Variants in CDH13 observed in about 807,000 individuals in gnomAD.
CDH13 encodes the protein cadherin-13.
Under a neutral mutation model 63.8 loss-of-function variants are expected in CDH13, and 24 were observed. The observed-to-expected ratio is 0.38, with a 90% CI of 0.27 to 0.53. The LOEUF (loss-of-function observed/expected upper bound fraction) is 0.53, where lower values mean the gene tolerates loss of function less well. CDH13 is among the 20% of genes least tolerant of loss of function. CDH13 has a pLI of 0.85. For synonymous variants in CDH13, 503 were observed against 355.3 expected (o/e 1.42, Z -4.67); for missense variants, 1,049 against 903.1 (o/e 1.16, Z -2.07).
chr16:83,202,868 C>G (rs2039071018), intron 4 of CDH13, among the ~76,000 whole-genome samples: 1 of 152,078 alleles, frequency 6.6e-6, no homozygotes, highest in South Asian at 2.1e-4. Context: ...GACATAAAGA[C>G]AGGAAAAATA....
intron 5 of CDH13, among the ~76,000 whole-genome samples, chr16:83,324,615 G>C (rs978348680): frequency 2.6e-5 from 4 of 152,196 alleles, no homozygotes; most frequent in Non-Finnish European, 5.9e-5. Context: ...ATATTCCACT[G>C]CGTGAATATA....
chr16:82,824,158 G>A (rs959265278), intron 1 of CDH13: 1 of 152,066 alleles, frequency 6.6e-6, no homozygotes, highest in Non-Finnish European at 1.5e-5. Context: ...GAGATAATTT[G>A]AGCCTCAAAA....
intron 7 of CDH13, among the ~76,000 whole-genome samples, chr16:83,511,282 C>G (rs1268183747): frequency 3.3e-5 from 5 of 152,114 alleles, no homozygotes; most frequent in African/African-American, 9.7e-5. Context: ...GCCAACATGA[C>G]AAAACCACAT....
intron 7 of CDH13, among the ~76,000 whole-genome samples, chr16:83,528,192 G>T (rs2075005328): frequency 6.6e-6 from 1 of 152,196 alleles, no homozygotes; most frequent in Non-Finnish European, 1.5e-5. Context: ...TTGCACGCAT[G>T]CCTTCTTCCT....
rs560288676 is a variant in CDH13 at position 82,908,205 on chromosome 16, C to T, written c.157+49732C>T. On this transcript the variant is annotated intron_variant, in intron 2 of 13. Coordinates refer to ENST00000567109, the MANE Select transcript of CDH13 (RefSeq NM_001257.5). The stretch of plus-strand genomic sequence containing the variant: ...GAAAACGTCTGGAACCTTGACATTC[C>T]ACAGGATATTGTCCCATGAATACAA... Among the ~76,000 whole-genome samples the T allele has an allele frequency of 9.9e-5, 15 of 152,226 alleles. No individual in the cohort carries two copies. In the South Asian group the frequency reaches 1.5e-3, roughly 15 times the overall value.
intron 2 of CDH13, among the ~76,000 whole-genome samples, chr16:82,865,888 G>C (rs990563780): frequency 1.3e-5 from 2 of 152,090 alleles, no homozygotes; most frequent in African/African-American, 4.8e-5. Flanking sequence ...AAAAATTCCA[G>C]TTTCAAATCT....
rs566432403 is a variant in CDH13, at chr16:83,391,171, C to A, written c.781+46165C>A. On this transcript the variant is annotated intron_variant, in intron 6 of 13. Coordinates refer to ENST00000567109, the MANE Select transcript of CDH13 (RefSeq NM_001257.5). ...TATCTGCCAAGATGCTCTTTAGTAT[C>A]CTTCTGTGACATTCATAAGATGTTA... is the stretch of plus-strand genomic sequence containing the variant. 1.1e-4 allele frequency among the ~76,000 whole-genome samples: 17 copies of A among 152,172 alleles called. No individual in the cohort carries two copies. In the South Asian group the frequency reaches 3.3e-3, roughly 30 times the overall value.
chr16:82,897,296 G>A (rs2041303215), intron 2 of CDH13, among the ~76,000 whole-genome samples: 1 of 152,182 alleles, frequency 6.6e-6, no homozygotes, highest in African/African-American at 2.4e-5. Context: ...GCTGATCAAT[G>A]TACTTCCTTC....
chr16:82,866,326 C>G (rs1045877384), intron 2 of CDH13, among the ~76,000 whole-genome samples: 2 of 149,992 alleles, frequency 1.3e-5, no homozygotes, highest in African/African-American at 2.5e-5. Context: ...GCACCCCACT[C>G]TACTGGTACC....
intron 1 of CDH13, among the ~76,000 whole-genome samples, chr16:82,718,786 T>C (rs2032564803): frequency 6.6e-6 from 1 of 152,132 alleles, no homozygotes; most frequent in Non-Finnish European, 1.5e-5. Context: ...CCCAGCCCCA[T>C]GAATGAATTA....
intron 1 of CDH13, among the ~76,000 whole-genome samples, chr16:82,749,216 C>A (rs570223155): frequency 4.6e-5 from 7 of 152,078 alleles, no homozygotes; most frequent in South Asian, 4.2e-4. Context: ...AGTGACAGAC[C>A]TTACGGTGTT....
intron 1 of CDH13, among the ~76,000 whole-genome samples, chr16:82,710,278 G>A (rs1212288114): frequency 1.4e-5 from 2 of 143,898 alleles, no homozygotes; most frequent in African/African-American, 5.1e-5. Flanking sequence ...TATTTTATAT[G>A]TTTAATTATA....
At chr16:83,006,907 TG>T (rs762884937) in intron 2 of CDH13, among the ~76,000 whole-genome samples, 18 of 125,918 alleles carry the variant, frequency 1.4e-4, no homozygotes, top group Non-Finnish European at 2.5e-4. Flanking sequence ...TGATTTTTTT[TG>T]TTTGTTTGTT....
intron 1 of CDH13, among the ~76,000 whole-genome samples, chr16:82,850,202 C>T (rs891718263): frequency 2.7e-5 from 4 of 149,296 alleles, no homozygotes; most frequent in African/African-American, 7.4e-5. Context: ...ATTCTAGATG[C>T]CCACTAAGAA....
chr16:83,081,800 A>T (rs2033274143), intron 3 of CDH13, among the ~76,000 whole-genome samples: 1 of 151,610 alleles, frequency 6.6e-6, no homozygotes, highest in African/African-American at 2.4e-5. Context: ...ATCTAAACCT[A>T]ATTACCTTTT....
At chr16:83,437,574 G>C (rs372107489) in intron 6 of CDH13, among the ~76,000 whole-genome samples, 3 of 152,054 alleles carry the variant, frequency 2.0e-5, no homozygotes, top group African/African-American at 7.2e-5. Flanking sequence ...CTACTCGGGA[G>C]GCTGAGGCAG....
In CDH13 at chr16:83,522,304, T is replaced by C. The variant is rs369873332; in HGVS notation, c.960+35649T>C. Among the ~76,000 whole-genome samples, 52 of 152,360 alleles carry C rather than the reference T, an allele frequency of 3.4e-4. 1 individual carries two copies. In the East Asian group the frequency reaches 8.9e-3, roughly 26 times the overall value. On this transcript the variant is annotated intron_variant, in intron 7 of 13. Transcript: ENST00000567109. ...GTAGCCTGCCATTGTTTTAAAGTCA[T>C]GTATTATTCACTTGATGGAGTGTAT... is the stretch of plus-strand genomic sequence containing the variant.
In CDH13 at chr16:83,798,302, C is replaced by G. The variant is rs906251572; in HGVS notation, c.*3272C>G. 23 of 152,230 alleles carry G rather than the reference C, an allele frequency of 1.5e-4. No homozygotes were observed. The highest frequency in any genetic ancestry group is 5.1e-4 in the African/African-American group (21 of 41,514). 9.4% of individuals were successfully genotyped at this position (152,230 alleles called of 1,614,324 possible). A position where few individuals can be genotyped will look rare whatever the true frequency, so the allele number is the denominator to read the frequency against. Reference sequence around the variant, plus strand: ...GATCCTGGATTTAGTGCAGTTGCACCCAGGCACGAGCTCTCCAGATGATTC... The same window carrying G: ...GATCCTGGATTTAGTGCAGTTGCACGCAGGCACGAGCTCTCCAGATGATTC... On this transcript the variant is annotated 3_prime_UTR_variant, in exon 14 of 14. Coordinates refer to ENST00000567109, the MANE Select transcript of CDH13 (RefSeq NM_001257.5).
At chr16:83,514,586 A>G (rs999458105) in intron 7 of CDH13, among the ~76,000 whole-genome samples, 1 of 152,206 alleles carries the variant, frequency 6.6e-6, no homozygotes, top group Non-Finnish European at 1.5e-5. Flanking sequence ...TGGAGGTTGC[A>G]GTAAGCCAAG....
Sources: gnomAD v4.1 joint callset for allele counts (sites outside exome capture counted in the v4.1 genomes callset) on GRCh38, gnomAD v4.1.1 for gene constraint, MANE v1.5 for transcripts, NCBI Gene and HGNC (gene_info 2026-07-23, HGNC 2026-07-21) for gene names.